DST: variants seen among roughly 807,000 people sequenced by gnomAD.
The protein encoded by DST is dystonin.
In DST, 253 loss-of-function variants were observed where a neutral mutation model predicts 875.2. The observed-to-expected ratio is 0.29, with a 90% CI of 0.26 to 0.32. The LOEUF (loss-of-function observed/expected upper bound fraction) is 0.32, where lower values mean the gene tolerates loss of function less well. Among genes scored for constraint, DST ranks in the 10% least tolerant of loss-of-function variants. DST has a pLI of 1.00. For synonymous variants in DST, 3,124 were observed against 3,197.1 expected, an observed-to-expected ratio of 0.98 and a Z score of 0.77; for missense variants, 8,287 against 9,111.6, an observed-to-expected ratio of 0.91 and a Z score of 3.68.
intron 54 of DST, among the ~76,000 whole-genome samples, chr6:56,569,212 C>T (rs968700271): frequency 6.6e-6 from 1 of 151,320 alleles, no homozygotes; most frequent in Admixed American, 6.6e-5. Context: ...GTAGTCCCAG[C>T]TACTAGGGAG....
intron 4 of DST, among the ~76,000 whole-genome samples, chr6:56,803,373 C>A (rs1590799888): frequency 6.6e-6 from 1 of 151,352 alleles, no homozygotes; most frequent in Admixed American, 6.6e-5. Flanking sequence ...TTCTTAATAT[C>A]TATCATAGTG....
intron 2 of DST, among the ~76,000 whole-genome samples, chr6:56,903,462 A>G (rs572465296): frequency 1.9e-4 from 29 of 152,282 alleles, no homozygotes; most frequent in African/African-American, 6.0e-4. Context: ...TATTTATGAT[A>G]TAAAAAAATT....
chr6:56,492,593 C>T (rs925180168), intron 84 of DST, among the ~76,000 whole-genome samples, 160 bp from the exon 85 acceptor site: 19 of 152,116 alleles, frequency 1.2e-4, no homozygotes, highest in African/African-American at 4.8e-5. Context: ...TGCTGTCAGC[C>T]GGGTGCAGTG....
chr6:56,741,250 C>T (rs917557088), intron 4 of DST, among the ~76,000 whole-genome samples: 8 of 152,102 alleles, frequency 5.3e-5, no homozygotes, highest in African/African-American at 1.9e-4. Context: ...GTGCTAGATG[C>T]TCAAAAGCAC....
At chr6:56,504,140 T>G (rs754638548) in intron 77 of DST, 42 bp from the exon 78 acceptor site, 1 of 1,306,724 alleles carries the variant, frequency 7.7e-7, no homozygotes, top group East Asian at 2.4e-5. Context: ...AACAGTACAT[T>G]TGAAATTGCT....
Position 56,463,059 on chromosome 6 carries a change from A to G in DST, c.23057T>C (p.Val7686Ala). The G allele has an allele frequency of 6.2e-7, 1 of 1,610,016 alleles. No individual in the cohort carries two copies. The highest frequency in any genetic ancestry group is 1.1e-5 in the South Asian group (1 of 90,654). ...CKAAECSDFP[V>A]PSAEGTPIQG... ...GCCTTACAATACCTCTGCAGATGGC[A>G]CGGGAAAGTCTGAGCACTCTGCTGC... Residue 7686 changes from valine (V) to alanine (A), a missense_variant, in exon 102 of 104, where the codon GTG becomes GCG. This residue lies in a region of DST where 240 missense variants were observed against 237.3 expected (regional missense o/e 1.01). Coordinates refer to ENST00000680361, the MANE Select transcript of DST (RefSeq NM_001374736.1).
At chr6:56,826,906 C>T (rs561803068) in intron 4 of DST, among the ~76,000 whole-genome samples, 51 of 152,312 alleles carry the variant, frequency 3.3e-4, no homozygotes, top group African/African-American at 1.2e-3. Context: ...TTCTCAAAAG[C>T]AGTGCACGAG....
At chr6:56,898,662 C>A (rs1792601801) in intron 3 of DST, among the ~76,000 whole-genome samples, 1 of 152,224 alleles carries the variant, frequency 6.6e-6, no homozygotes, top group African/African-American at 2.4e-5. Flanking sequence ...GCCAGCACCA[C>A]CTCAAGCTGT....
chr6:56,886,251 T>C (rs901274513), intron 3 of DST, among the ~76,000 whole-genome samples: 4 of 152,120 alleles, frequency 2.6e-5, no homozygotes, highest in African/African-American at 2.4e-5. Context: ...TAAATAAACA[T>C]AGGATAAACA....
intron 9 of DST, among the ~76,000 whole-genome samples, chr6:56,690,902 G>A (rs1226163158): frequency 6.6e-6 from 1 of 152,178 alleles, no homozygotes; most frequent in Non-Finnish European, 1.5e-5. Flanking sequence ...GTGTGCCACA[G>A]AATAAATAAA....
Position 56,648,618 on chromosome 6 carries a change from C to T in DST, c.1506G>A (p.Val502=), listed in dbSNP as rs2098957901. Residue 502 remains valine, a synonymous_variant, in exon 13 of 104, where the codon GTG becomes GTA. Coordinates refer to ENST00000680361, the MANE Select transcript of DST (RefSeq NM_001374736.1). ...GAAATGTTCTCTCAGACATTGTGGT[C>T]ACATGGTGTCTAATCCATTGGATGA... The part of the protein sequence containing the change: ...NYLIQWIRHH[V]TTMSERTFPN... 7 of 1,590,618 alleles carry T rather than the reference C, an allele frequency of 4.4e-6. No homozygotes were observed. Among genetic ancestry groups the T allele is most frequent in the Non-Finnish European group, 6.0e-6 (7 of 1,166,142 alleles).
intron 2 of DST, among the ~76,000 whole-genome samples, chr6:56,910,592 C>A (rs1241755261): frequency 6.6e-6 from 1 of 152,150 alleles, no homozygotes; most frequent in Non-Finnish European, 1.5e-5. Context: ...TCAAGCAATT[C>A]TTCTGCCTCA....
chr6:56,503,232 T>C (rs906623163), intron 78 of DST, among the ~76,000 whole-genome samples: 3 of 151,960 alleles, frequency 2.0e-5, no homozygotes, highest in Non-Finnish European at 4.4e-5. Context: ...CACACCAAGG[T>C]CACTATAGTC....
chr6:56,779,228 GTTGT>G lies in DST; in HGVS notation c.626-43943_626-43940del, dbSNP rs1425306085. ...AATCCTTCACCCACTTTTTGATGGG[GTTGT>G]TTGTTTTTTTCCTGTAAATTTGCTG... On this transcript the variant is annotated intron_variant, in intron 4 of 103. Transcript: ENST00000680361. Among the ~76,000 whole-genome samples, 29 of 152,110 alleles carry G rather than the reference GTTGT, an allele frequency of 1.9e-4. 1 individual carries two copies. The highest frequency in any genetic ancestry group is 5.8e-4 in the East Asian group (3 of 5,188).
At chr6:56,745,660 T>G (rs1563978784) in intron 4 of DST, among the ~76,000 whole-genome samples, 2 of 152,076 alleles carry the variant, frequency 1.3e-5, no homozygotes, top group Non-Finnish European at 2.9e-5. Flanking sequence ...GTAGACAAAG[T>G]TTAAAAACTC....
At chr6:56,667,539 T>C (rs2099077992) in intron 10 of DST, among the ~76,000 whole-genome samples, 1 of 152,096 alleles carries the variant, frequency 6.6e-6, no homozygotes, top group African/African-American at 2.4e-5. Flanking sequence ...AACAAAGAAA[T>C]CTTGTAAGCA....
chr6:56,631,873 T>C lies in DST; in HGVS notation c.3963+10A>G, dbSNP rs186911323. ...GTTAGTTTTTTTCCCAACATATTTA[T>C]AGCTCTCACCTCCTGTTCTGTGATT... On this transcript the variant is annotated intron_variant, in intron 29 of 103. Coordinates refer to ENST00000680361, the MANE Select transcript of DST (RefSeq NM_001374736.1). 2.7e-5 allele frequency: 44 copies of C among 1,613,394 alleles called. No individual in the cohort carries two copies. The Admixed American group carries it at 6.8e-4, about 25-fold the overall frequency.
chr6:56,683,277 A>G (rs2099165257), intron 9 of DST, among the ~76,000 whole-genome samples: 1 of 152,200 alleles, frequency 6.6e-6, no homozygotes, highest in African/African-American at 2.4e-5. Flanking sequence ...CATTCGTGAT[A>G]CACCTCGAAT....
chr6:56,790,667 G>C (rs1334947407), intron 4 of DST, among the ~76,000 whole-genome samples: 3 of 152,132 alleles, frequency 2.0e-5, no homozygotes, highest in Admixed American at 2.0e-4. Context: ...TTTTCTGGCT[G>C]GCAGCTGGAA....
Sources: gnomAD v4.1 joint callset for allele counts (sites outside exome capture counted in the v4.1 genomes callset) on GRCh38, gnomAD v4.1.1 for gene constraint, gnomAD v4.1.1 regional missense constraint, MANE v1.5 for transcripts, NCBI Gene and HGNC (gene_info 2026-07-23, HGNC 2026-07-21) for gene names.